Variants in KCNC1 observed in about 807,000 individuals in gnomAD.
KCNC1 encodes the protein voltage-gated potassium channel KCNC1.
A neutral mutation model predicts 43.4 loss-of-function variants in KCNC1; 8 were observed. The observed-to-expected ratio is 0.18, with a 90% confidence interval of 0.11 to 0.33. KCNC1 has a LOEUF of 0.33. Ranked by LOEUF, KCNC1 falls within the 10% of genes least tolerant of loss-of-function variation. The pLI, the probability that KCNC1 is intolerant of heterozygous loss-of-function variation, is 1.00. For synonymous variants in KCNC1, 361 were observed against 360.5 expected, an observed-to-expected ratio of 1.00 and a Z score of -0.01; for missense variants, 420 against 836.0, an observed-to-expected ratio of 0.50 and a Z score of 6.14.
intron 1 of KCNC1, among the ~76,000 whole-genome samples, chr11:17,758,709 T>C (rs929045552): frequency 2.0e-5 from 3 of 152,226 alleles, no homozygotes; most frequent in Non-Finnish European, 4.4e-5. Context: ...AGCAATAATA[T>C]TTTGAAAGGA....
rs914385490 is a variant in KCNC1 at position 17,739,176 on chromosome 11, G to C, written c.570+2604G>C. On this transcript the variant is annotated intron_variant, in intron 1 of 3. Transcript: ENST00000265969. This position sits in a 1 kb window ranked among gnomAD's most constrained non-coding sequence, Gnocchi z 4.2. Reference sequence around the variant, plus strand: ...TTACCCCTCCCCCACACGGGGCCCCGAGACTCCTCACACCAGCGGGTCGGG... The same window carrying C: ...TTACCCCTCCCCCACACGGGGCCCCCAGACTCCTCACACCAGCGGGTCGGG... Among the ~76,000 whole-genome samples, 1 of 151,752 alleles carries C rather than the reference G, an allele frequency of 6.6e-6. No homozygotes were observed. Among genetic ancestry groups the C allele is most frequent in the Admixed American group, 6.6e-5 (1 of 15,238 alleles).
intron 1 of KCNC1, among the ~76,000 whole-genome samples, chr11:17,743,675 C>A (rs565077806): frequency 6.6e-6 from 1 of 152,232 alleles, no homozygotes; most frequent in East Asian, 1.9e-4. Flanking sequence ...GCTCGGCACT[C>A]CAAGGCCTTC....
At chr11:17,770,995 T>G (rs539664872) in intron 1 of KCNC1, among the ~76,000 whole-genome samples, 17 of 152,310 alleles carry the variant, frequency 1.1e-4, no homozygotes, top group African/African-American at 4.1e-4. Flanking sequence ...CATGTTGTGG[T>G]GCAAGTTCCT....
intron 1 of KCNC1, among the ~76,000 whole-genome samples, chr11:17,747,082 A>C (rs924877375): frequency 6.6e-6 from 1 of 151,704 alleles, no homozygotes; most frequent in African/African-American, 2.4e-5. Flanking sequence ...TTAGCTCCTG[A>C]CTCTACTATC....
intron 1 of KCNC1, among the ~76,000 whole-genome samples, chr11:17,757,402 T>C (rs1009068984): frequency 1.3e-5 from 2 of 152,108 alleles, no homozygotes; most frequent in African/African-American, 4.8e-5. Flanking sequence ...AGGTGTCTTC[T>C]GATGACCCCA....
intron 1 of KCNC1, among the ~76,000 whole-genome samples, chr11:17,740,584 C>T (rs930505938): frequency 6.6e-6 from 1 of 152,096 alleles, no homozygotes; most frequent in Non-Finnish European, 1.5e-5. Context: ...TCATCAGGGA[C>T]GTTGTTGCGT....
intron 1 of KCNC1, among the ~76,000 whole-genome samples, chr11:17,751,060 C>G (rs1026720338): frequency 1.3e-5 from 2 of 152,112 alleles, no homozygotes; most frequent in African/African-American, 4.8e-5. Context: ...GGTAGTATAC[C>G]CCTCTTATTG....
chr11:17,761,566 G>A (rs1548564), intron 1 of KCNC1, among the ~76,000 whole-genome samples: 79,847 of 152,122 alleles, frequency 0.52, 23,178 homozygotes, highest in East Asian at 0.88. Flanking sequence ...TCTCCAAGAG[G>A]TTACTAGGCC....
rs559832757 is a variant in KCNC1, at chr11:17,740,978, G to C, written c.570+4406G>C. Among the ~76,000 whole-genome samples, 6 of 152,236 alleles carry C rather than the reference G, an allele frequency of 3.9e-5. No homozygotes were observed. The South Asian group carries it at 1.0e-3, about 26-fold the overall frequency. ...TGGCTTGGCATGCGGAGGGCTGGGG[G>C]ACAGAGCTATTATCAGGGGATTCTA... On this transcript the variant is annotated intron_variant, in intron 1 of 3. Coordinates refer to ENST00000265969, the MANE Select transcript of KCNC1 (RefSeq NM_001112741.2).
rs142702178 is a variant in KCNC1, at chr11:17,776,145, G to A, written c.1505-3311G>A. 956 of 985,482 alleles carry A rather than the reference G, an allele frequency of 9.7e-4. 5 individuals carry two copies. The African/African-American group carries it at 0.015, about 16-fold the overall frequency. The allele number at this position is 985,482 out of a possible 1,614,324, so 61.0% of individuals were successfully genotyped here. ...GTAGCGGAGAAATGAAGTGACGCCA[G>A]GGGCCAGGCATGGGTGTTCTTTTCC... On this transcript the variant is annotated intron_variant, in intron 2 of 3. Transcript: ENST00000265969. This position sits in a 1 kb window ranked among gnomAD's most constrained non-coding sequence, Gnocchi z 4.4.
chr11:17,769,322 G>C, intron 1 of KCNC1, among the ~76,000 whole-genome samples: 1 of 151,938 alleles, frequency 6.6e-6, no homozygotes, highest in Non-Finnish European at 1.5e-5. Context: ...GTGGTTGGAA[G>C]GGAGGGATGG....
chr11:17,775,163 T>A (rs1849270847), intron 2 of KCNC1: 1 of 985,344 alleles, frequency 1.0e-6, no homozygotes, highest in African/African-American at 1.7e-5. Context: ...CCAAGGCCTT[T>A]CCAGTCTCAC....
intron 1 of KCNC1, among the ~76,000 whole-genome samples, chr11:17,750,853 G>A (rs1848960631): frequency 6.6e-6 from 1 of 152,190 alleles, no homozygotes; most frequent in Non-Finnish European, 1.5e-5. Flanking sequence ...AGCCTGCTCT[G>A]CCCTTCATGC....
intron 1 of KCNC1, among the ~76,000 whole-genome samples, chr11:17,764,464 C>T (rs1472301079): frequency 6.6e-6 from 1 of 152,144 alleles, no homozygotes; most frequent in Non-Finnish European, 1.5e-5. Flanking sequence ...TGTGCACAGG[C>T]CTAGAGTCAG....
chr11:17,769,820 A>G (rs7942518), intron 1 of KCNC1, among the ~76,000 whole-genome samples: 116,940 of 152,164 alleles, frequency 0.77, 46,703 homozygotes, highest in East Asian at 0.98. Flanking sequence ...AAATCGCACA[A>G]TGCTCTGGAA....
chr11:17,779,383 T>TCTGGC lies in KCNC1; in HGVS notation c.1505-69_1505-65dup. 1 of 1,278,912 alleles carries TCTGGC rather than the reference T, an allele frequency of 7.8e-7. No individual in the cohort carries two copies. The highest frequency in any genetic ancestry group is 1.0e-6 in the Non-Finnish European group (1 of 961,652). 79.2% of individuals were successfully genotyped at this position (1,278,912 alleles called of 1,614,324 possible). A position where few individuals can be genotyped will look rare whatever the true frequency, so the allele number is the denominator to read the frequency against. ...AGCTGCCCTCTGCCAATACCCCGCT[T>TCTGGC]CTGGCCTGTCCCCCCCTGCCCCCCA... On this transcript the variant is annotated intron_variant, in intron 2 of 3. Coordinates refer to ENST00000265969, the MANE Select transcript of KCNC1 (RefSeq NM_001112741.2). The surrounding 1 kb of genome is among the most constrained non-coding windows in gnomAD (Gnocchi z 7.2).
At position 17,781,966 on chromosome 11, in the gene KCNC1, AG is replaced by A. The variant is rs930375990; in HGVS notation, c.*239del. The A allele has an allele frequency of 1.4e-4, 50 of 369,938 alleles. No homozygotes were observed. Among genetic ancestry groups the A allele is most frequent in the East Asian group, 1.8e-4 (4 of 21,770 alleles). The allele number at this position is 369,938 out of a possible 1,614,324, so 22.9% of individuals were successfully genotyped here. A position where few individuals can be genotyped will look rare whatever the true frequency, so the allele number is the denominator to read the frequency against. On this transcript the variant is annotated 3_prime_UTR_variant, in exon 4 of 4. Coordinates refer to ENST00000265969, the MANE Select transcript of KCNC1 (RefSeq NM_001112741.2). The surrounding 1 kb of genome is among the most constrained non-coding windows in gnomAD (Gnocchi z 5.1). ...TTTTAAAATTTTATTTTATTTGGGG[AG>A]GGGGGGTGGAGGGGCTCCTTAGCAT...
At chr11:17,762,288 C>T (rs542760199) in intron 1 of KCNC1, among the ~76,000 whole-genome samples, 4 of 152,314 alleles carry the variant, frequency 2.6e-5, no homozygotes, top group East Asian at 3.9e-4. Flanking sequence ...CAGCAGTTCC[C>T]GTTCCATGAC....
intron 1 of KCNC1, among the ~76,000 whole-genome samples, chr11:17,762,598 A>T (rs1467112895): frequency 6.6e-6 from 1 of 152,158 alleles, no homozygotes; most frequent in Non-Finnish European, 1.5e-5. Context: ...ACCTCCTCTG[A>T]TGAGACTCCA....
Sources: allele counts gnomAD v4.1 joint callset (sites outside exome capture counted in the v4.1 genomes callset), GRCh38; gene constraint gnomAD v4.1.1; non-coding constraint Gnocchi (gnomAD v3.1); transcripts MANE v1.5; gene names NCBI Gene and HGNC (gene_info 2026-07-23, HGNC 2026-07-21).